COL27A1: variants seen among roughly 807,000 people sequenced by gnomAD.
COL27A1 encodes collagen alpha-1(XXVII) chain.
A neutral mutation model predicts 251.3 loss-of-function variants in COL27A1; 106 were observed. That is an observed-to-expected ratio of 0.42 (90% confidence interval 0.36 to 0.50). The LOEUF (loss-of-function observed/expected upper bound fraction) is 0.50. Ranked by LOEUF, COL27A1 falls within the 20% of genes least tolerant of loss-of-function variation. The probability of loss-of-function intolerance (pLI) is 0.00; values close to 1 mark genes in which losing one functional copy is unlikely to be tolerated. For missense variants in COL27A1, 2,325 were observed against 2,522.8 expected (o/e 0.92, Z 1.68); for synonymous variants, 1,000 against 986.3 (o/e 1.01, Z -0.26).
At chr9:114,303,856 G>A (rs886672557) in intron 56 of COL27A1, among the ~76,000 whole-genome samples, 12 of 152,196 alleles carry the variant, frequency 7.9e-5, no homozygotes, top group Admixed American at 2.0e-4. Flanking sequence ...GGAGAAACAC[G>A]GGGACTGGGG....
intron 2 of COL27A1, among the ~76,000 whole-genome samples, chr9:114,166,217 TTC>T (rs1848839105): frequency 7.1e-6 from 1 of 141,566 alleles, no homozygotes; most frequent in African/African-American, 2.7e-5. Flanking sequence ...CCATCCATTT[TTC>T]TATCCATCCA....
At chr9:114,277,624 A>G (rs528990539) in intron 37 of COL27A1, among the ~76,000 whole-genome samples, 1 of 152,318 alleles carries the variant, frequency 6.6e-6, no homozygotes, top group South Asian at 2.1e-4. Flanking sequence ...CTAGAGAAGA[A>G]TACGAGGGCG....
intron 60 of COL27A1, among the ~76,000 whole-genome samples, 173 bp from the exon 61 acceptor site, chr9:114,310,376 C>A (rs1000744): frequency 0.43 from 65,807 of 151,886 alleles, 14,456 homozygotes; most frequent in African/African-American, 0.49. Flanking sequence ...TGACAGCATT[C>A]CTTACAAGAA....
intron 28 of COL27A1, 22 bp downstream of exon 28, chr9:114,258,616 G>C: frequency 6.2e-7 from 1 of 1,612,708 alleles, no homozygotes; most frequent in Non-Finnish European, 8.5e-7. Context: ...CCAGCTCCTG[G>C]GGGCTGATGC....
At position 114,155,892 on chromosome 9, in the gene COL27A1, C is replaced by A; in HGVS notation, c.-59C>A. The A allele has an allele frequency of 1.7e-6, 2 of 1,158,604 alleles. No individual in the cohort carries two copies. The highest frequency in any genetic ancestry group is 2.1e-6 in the Non-Finnish European group (2 of 937,580). 71.8% of individuals were successfully genotyped at this position (1,158,604 alleles called of 1,614,324 possible). A position where few individuals can be genotyped will look rare whatever the true frequency, so the allele number is the denominator to read the frequency against. ...CGCGGCGGGGCGGGGGGCTGGCGGC[C>A]CCATGGGGCGCGCCCACACTTGCCC... is the stretch of plus-strand genomic sequence containing the variant. On this transcript the variant is annotated 5_prime_UTR_variant, in exon 1 of 61. Transcript: ENST00000356083. The surrounding 1 kb of genome is among the most constrained non-coding windows in gnomAD (Gnocchi z 5.5).
At position 114,306,965 on chromosome 9, in the gene COL27A1, T is replaced by TC. The variant is rs1423752870; in HGVS notation, c.5107+280dup. The TC allele has an allele frequency of 2.3e-5, 9 of 388,856 alleles. No homozygotes were observed. In the Admixed American group the frequency reaches 3.8e-4, roughly 16 times the overall value. 24.1% of individuals were successfully genotyped at this position (388,856 alleles called of 1,614,324 possible). A position where few individuals can be genotyped will look rare whatever the true frequency, so the allele number is the denominator to read the frequency against. On this transcript the variant is annotated intron_variant, in intron 58 of 60. Transcript: ENST00000356083. ...CCCTGGGGCCCATCCTGTCACAGGC[T>TC]CCCGGGTGAGCCAGGATTTTCCCCC...
intron 6 of COL27A1, among the ~76,000 whole-genome samples, chr9:114,195,122 C>A (rs912737685): frequency 2.6e-5 from 4 of 152,194 alleles, no homozygotes; most frequent in African/African-American, 9.7e-5. Flanking sequence ...ACCCTGGAAG[C>A]AATGCCCAGG....
At chr9:114,303,176 C>T (rs1056300491) in intron 56 of COL27A1, among the ~76,000 whole-genome samples, 1 of 151,042 alleles carries the variant, frequency 6.6e-6, no homozygotes, top group Non-Finnish European at 1.5e-5. Context: ...ACTACTAATG[C>T]TAATTGAGTG....
At chr9:114,187,103 C>A (rs962915476) in intron 5 of COL27A1, among the ~76,000 whole-genome samples, 1 of 152,238 alleles carries the variant, frequency 6.6e-6, no homozygotes, top group Admixed American at 6.5e-5. Flanking sequence ...CAGCAGAGGG[C>A]AGGCTCCATG....
intron 34 of COL27A1, 131 bp downstream of exon 34, chr9:114,267,688 G>A: frequency 1.2e-6 from 1 of 850,310 alleles, no homozygotes; most frequent in Non-Finnish European, 1.8e-6. Flanking sequence ...GCTCCTGGCT[G>A]GGGAGTGGGG....
chr9:114,173,340 ACTAT>A (rs1271064970), intron 3 of COL27A1, among the ~76,000 whole-genome samples: 4 of 152,242 alleles, frequency 2.6e-5, no homozygotes, highest in African/African-American at 9.6e-5. Flanking sequence ...GTGCTCTGTG[ACTAT>A]CTATCTATGA....
At chr9:114,260,411 G>A (rs1450007374) in intron 28 of COL27A1, among the ~76,000 whole-genome samples, 2 of 152,084 alleles carry the variant, frequency 1.3e-5, no homozygotes, top group Admixed American at 1.3e-4. Context: ...ACTGAAGGTG[G>A]GGAACCTACA....
At chr9:114,204,956 T>C in intron 7 of COL27A1, 146 bp from the exon 8 acceptor site, 2 of 656,128 alleles carry the variant, frequency 3.0e-6, no homozygotes, top group South Asian at 1.9e-5. Context: ...TCTGCATCCA[T>C]CTGGGGAACC....
At chr9:114,205,932 C>A in intron 9 of COL27A1, 120 bp downstream of exon 9, 2 of 903,376 alleles carry the variant, frequency 2.2e-6, no homozygotes, top group East Asian at 2.5e-5. Context: ...CTGGGTGGAC[C>A]CTAAGGAGGG....
Position 114,242,222 on chromosome 9 carries a change from T to G in COL27A1, c.2871T>G (p.Pro957=). ...DEGPMGPPGA[P]GLEGQPGRKG... ...GACCCATGGGGCCGCCAGGGGCCCC[T>G]GGCTTGGAGGTGAGTGTCACTGGCC... Residue 957 remains proline (P), a synonymous_variant, in exon 22 of 61, where the codon CCT becomes CCG. Coordinates refer to ENST00000356083, the MANE Select transcript of COL27A1 (RefSeq NM_032888.4). 1 of 1,589,698 alleles carries G rather than the reference T, an allele frequency of 6.3e-7. No homozygotes were observed. The highest frequency in any genetic ancestry group is 8.6e-7 in the Non-Finnish European group (1 of 1,165,778).
At chr9:114,301,957 C>T (rs530863822) in intron 55 of COL27A1, 125 bp from the exon 56 acceptor site, 79 of 1,071,980 alleles carry the variant, frequency 7.4e-5, no homozygotes, top group African/African-American at 7.3e-4. Flanking sequence ...ACCAAGCCTC[C>T]GGGAAAGCAG....
chr9:114,260,919 C>T (rs899890357), intron 28 of COL27A1, among the ~76,000 whole-genome samples: 13 of 152,184 alleles, frequency 8.5e-5, no homozygotes, highest in South Asian at 2.1e-4. Flanking sequence ...TCCAATGCCT[C>T]GGGCCAACTC....
intron 40 of COL27A1, 103 bp from the exon 41 acceptor site, chr9:114,284,621 G>A: frequency 8.3e-7 from 1 of 1,208,444 alleles, no homozygotes; most frequent in Non-Finnish European, 1.2e-6. Context: ...CTGGGGCAGA[G>A]CTGGGACCCA....
At chr9:114,172,538 G>T (rs1232577643) in intron 3 of COL27A1, among the ~76,000 whole-genome samples, 2 of 152,194 alleles carry the variant, frequency 1.3e-5, no homozygotes, top group East Asian at 3.9e-4. Context: ...GGGCGTGGTG[G>T]CTCACACCTA....
Sources: gnomAD v4.1 joint callset for allele counts (sites outside exome capture counted in the v4.1 genomes callset) on GRCh38, gnomAD v4.1.1 for gene constraint, Gnocchi (gnomAD v3.1) non-coding constraint, MANE v1.5 for transcripts, NCBI Gene and HGNC (gene_info 2026-07-23, HGNC 2026-07-21) for gene names.